Variants in TAFA5 observed in about 807,000 individuals in gnomAD.
TAFA5 encodes TAFA chemokine like family member 5.
Under a neutral mutation model 15.3 loss-of-function variants are expected in TAFA5, and 6 were observed. The ratio of observed to expected loss-of-function variants is 0.39; its 90% confidence interval spans 0.21 to 0.77. The LOEUF (loss-of-function observed/expected upper bound fraction) is 0.77. Among genes scored for constraint, TAFA5 ranks in the 30% least tolerant of loss-of-function variants. The pLI, the probability that TAFA5 is intolerant of heterozygous loss-of-function variation, is 0.41. For synonymous variants in TAFA5, 103 were observed against 80.7 expected (o/e 1.28, Z -1.48); for missense variants, 161 against 193.1 (o/e 0.83, Z 0.98).
intron 3 of TAFA5, among the ~76,000 whole-genome samples, chr22:48,735,314 A>G (rs554541425): frequency 6.6e-6 from 1 of 152,308 alleles, no homozygotes; most frequent in East Asian, 1.9e-4. Context: ...TAGGAGACAG[A>G]TCACAGCGTG....
At chr22:48,615,300 T>C (rs939157584) in intron 1 of TAFA5, among the ~76,000 whole-genome samples, 2 of 152,174 alleles carry the variant, frequency 1.3e-5, no homozygotes, top group East Asian at 3.9e-4. Context: ...TATCTGCCCA[T>C]GGTGGCAGCC....
intron 3 of TAFA5, among the ~76,000 whole-genome samples, chr22:48,730,516 G>C: frequency 6.6e-6 from 1 of 152,150 alleles, no homozygotes; most frequent in Non-Finnish European, 1.5e-5. Flanking sequence ...AAATATTGCC[G>C]TTTTCACAAA....
At chr22:48,725,158 C>G (rs1030262803) in intron 3 of TAFA5, among the ~76,000 whole-genome samples, 1 of 152,250 alleles carries the variant, frequency 6.6e-6, no homozygotes, top group African/African-American at 2.4e-5. Flanking sequence ...TGCTGCACAT[C>G]GCCCGGACCT....
chr22:48,693,442 C>G (rs562116360), intron 2 of TAFA5: 1 of 1,604,774 alleles, frequency 6.2e-7, no homozygotes, highest in East Asian at 2.2e-5. Flanking sequence ...GGAGGGACTG[C>G]GACTCTTGCA....
chr22:48,694,817 C>G (rs1194865170), intron 2 of TAFA5, among the ~76,000 whole-genome samples: 1 of 38,582 alleles, frequency 2.6e-5, no homozygotes, highest in Admixed American at 2.6e-4. Flanking sequence ...CCCCCACCCG[C>G]CGCCGCTCCG....
At chr22:48,708,713 C>G (rs546523899) in intron 3 of TAFA5, among the ~76,000 whole-genome samples, 1 of 152,334 alleles carries the variant, frequency 6.6e-6, no homozygotes, top group South Asian at 2.1e-4. Context: ...AACACGGATC[C>G]GGGCTCCACG....
rs139438583 is a variant in TAFA5 at position 48,625,643 on chromosome 22, A to G, written c.113-20954A>G. Reference sequence around the variant, plus strand: ...CTCAGGGAGGTTATTTCACACATTTACAACACAGATGCTCCTAACGCCAGA... The same window carrying G: ...CTCAGGGAGGTTATTTCACACATTTGCAACACAGATGCTCCTAACGCCAGA... On this transcript the variant is annotated intron_variant, in intron 1 of 3. Coordinates refer to ENST00000402357, the MANE Select transcript of TAFA5 (RefSeq NM_001082967.3). Among the ~76,000 whole-genome samples, 559 of 152,280 alleles carry G rather than the reference A, an allele frequency of 3.7e-3. 5 individuals are homozygous for G. Among genetic ancestry groups the G allele is most frequent in the African/African-American group, 0.013 (524 of 41,546 alleles).
At chr22:48,595,521 C>T (rs974793788) in intron 1 of TAFA5, among the ~76,000 whole-genome samples, 3 of 152,232 alleles carry the variant, frequency 2.0e-5, no homozygotes, top group Non-Finnish European at 2.9e-5. Flanking sequence ...GCCCAGGTCT[C>T]GTCTCTGGAT....
intron 1 of TAFA5, among the ~76,000 whole-genome samples, chr22:48,593,904 C>T (rs937549369): frequency 5.3e-5 from 8 of 152,236 alleles, no homozygotes; most frequent in Non-Finnish European, 1.2e-4. Context: ...ACAGAGTGCA[C>T]GGCGCTGCAG....
At chr22:48,609,524 T>TCGCCTCTGTCCA (rs1321715211) in intron 1 of TAFA5, among the ~76,000 whole-genome samples, 3 of 152,144 alleles carry the variant, frequency 2.0e-5, no homozygotes, top group Admixed American at 2.0e-4. Context: ...GCCTTGGACC[T>TCGCCTCTGTCCA]CGCCTCTGTC....
intron 1 of TAFA5, among the ~76,000 whole-genome samples, chr22:48,510,072 C>G (rs907376785): frequency 5.9e-5 from 9 of 152,174 alleles, no homozygotes; most frequent in Non-Finnish European, 1.3e-4. Flanking sequence ...ATGGAATACC[C>G]GAAACTATGA....
intron 2 of TAFA5, among the ~76,000 whole-genome samples, chr22:48,692,125 C>T (rs1466568703): frequency 2.0e-5 from 3 of 152,132 alleles, no homozygotes; most frequent in South Asian, 2.1e-4. Flanking sequence ...CCTGGGAAGA[C>T]ACCGAGACCT....
rs1209452774 is a variant in TAFA5 at position 48,743,066 on chromosome 22, T to G, written c.391-6773T>G. ...AGCTGTGTGAGTCTCCGGGAGCCGC[T>G]GGAACAAAATGCCACACACCCGGTG... On this transcript the variant is annotated intron_variant, in intron 3 of 3. Coordinates refer to ENST00000402357, the MANE Select transcript of TAFA5 (RefSeq NM_001082967.3). Among the ~76,000 whole-genome samples, 6 of 152,268 alleles carry G rather than the reference T, an allele frequency of 3.9e-5. 1 individual carries two copies. In the South Asian group the frequency reaches 8.3e-4, roughly 21 times the overall value.
intron 2 of TAFA5, among the ~76,000 whole-genome samples, chr22:48,660,124 AG>A (rs943157134): frequency 1.6e-4 from 24 of 152,214 alleles, no homozygotes; most frequent in African/African-American, 5.3e-4. Context: ...TATTCTCTCA[AG>A]GGCTGTCCCC....
At chr22:48,591,984 GC>G (rs1473782256) in intron 1 of TAFA5, among the ~76,000 whole-genome samples, 2 of 152,060 alleles carry the variant, frequency 1.3e-5, no homozygotes, top group African/African-American at 4.8e-5. Flanking sequence ...AAGTGTGATG[GC>G]CGGGGGTGAT....
intron 1 of TAFA5, among the ~76,000 whole-genome samples, chr22:48,556,934 G>C (rs940241035): frequency 6.6e-6 from 1 of 152,198 alleles, no homozygotes; most frequent in African/African-American, 2.4e-5. Context: ...GCACAGACCC[G>C]CCTGCTTGGT....
chr22:48,729,298 A>ATTTATTTATAAATATATAATAATTT lies in TAFA5; in HGVS notation c.391-20520_391-20519insATTTTTTATTTATAAATATATAATA, dbSNP rs1484197429. 3.0e-5 allele frequency among the ~76,000 whole-genome samples: 4 copies of ATTTATTTATAAATATATAATAATTT among 132,244 alleles called. No homozygotes were observed. The East Asian group carries it at 7.9e-4, about 26-fold the overall frequency. The allele number at this position is 132,244 out of a possible 152,430, so 86.8% of individuals were successfully genotyped here. On this transcript the variant is annotated intron_variant, in intron 3 of 3. Transcript: ENST00000402357. Reference sequence around the variant, plus strand: ...ATTTATAAATATATAATAATTTTATATTTATTTATAAATATATAATATTTT... The same window carrying ATTTATTTATAAATATATAATAATTT: ...ATTTATAAATATATAATAATTTTATATTTATTTATAAATATATAATAATTTTTTATTTATAAATATATAATATTTT...
intron 1 of TAFA5, among the ~76,000 whole-genome samples, chr22:48,499,342 AG>A (rs1223183252): frequency 6.6e-6 from 1 of 152,146 alleles, no homozygotes; most frequent in African/African-American, 2.4e-5. Context: ...CCTTTCCAGG[AG>A]GTGGCTGAGT....
chr22:48,692,946 T>A (rs1051355154), intron 2 of TAFA5, among the ~76,000 whole-genome samples: 4 of 152,168 alleles, frequency 2.6e-5, no homozygotes, highest in African/African-American at 9.7e-5. Flanking sequence ...AGGAAGGGCA[T>A]CGGCGGCGCC....
Sources: gnomAD v4.1 joint callset for allele counts (sites outside exome capture counted in the v4.1 genomes callset) on GRCh38, gnomAD v4.1.1 for gene constraint, MANE v1.5 for transcripts, NCBI Gene and HGNC (gene_info 2026-07-23, HGNC 2026-07-21) for gene names.